Variants in OCA2 observed in about 807,000 individuals in gnomAD.
OCA2 encodes OCA2 melanosomal transmembrane protein, also known as P protein.
In OCA2, 77 loss-of-function variants were observed where a neutral mutation model predicts 100.2. The ratio of observed to expected loss-of-function variants is 0.77; its 90% CI spans 0.64 to 0.93. The LOEUF is 0.93. OCA2 is among the 40% of genes least tolerant of loss of function. OCA2 has a pLI of 0.00. For missense variants in OCA2, 1,062 were observed against 1,089.1 expected (o/e 0.98, Z 0.35); for synonymous variants, 432 against 439.2 (o/e 0.98, Z 0.21).
intron 23 of OCA2, among the ~76,000 whole-genome samples, chr15:27,800,678 G>A (rs983544831): frequency 4.6e-5 from 7 of 152,080 alleles, no homozygotes; most frequent in African/African-American, 1.7e-4. Context: ...TATTTAAGAA[G>A]TTGAGGCCAG....
intron 14 of OCA2, among the ~76,000 whole-genome samples, chr15:27,978,689 CA>C (rs1401877308): frequency 2.1e-4 from 31 of 149,228 alleles, no homozygotes; most frequent in Middle Eastern, 6.8e-3. Flanking sequence ...GAGAGAGAGA[CA>C]TTTTTTTTTT....
At position 27,925,982 on chromosome 15, in the gene OCA2, A is replaced by G. The variant is rs3751651; in HGVS notation, c.2079+145T>C. 0.24 allele frequency: 225,582 copies of G among 948,656 alleles called. 32,568 individuals carry two copies. The highest frequency in any genetic ancestry group is 0.67 in the East Asian group (25,660 of 38,398). The allele number at this position is 948,656 out of a possible 1,614,324, so 58.8% of individuals were successfully genotyped here. A position where few individuals can be genotyped will look rare whatever the true frequency, so the allele number is the denominator to read the frequency against. On this transcript the variant is annotated intron_variant, in intron 19 of 23. Transcript: ENST00000354638. The stretch of plus-strand genomic sequence containing the variant: ...GCTAAGGTAAAGCTGGTTAACTTAA[A>G]ATAGTCCAATTACAACCTTCATTGT...
At chr15:27,771,682 G>A (rs1455664117) in intron 23 of OCA2, among the ~76,000 whole-genome samples, 2 of 152,222 alleles carry the variant, frequency 1.3e-5, no homozygotes, top group African/African-American at 4.8e-5. Context: ...ATCACCCATT[G>A]TGTGAAATCT....
At chr15:27,836,462 CAT>C (rs1326595095) in intron 23 of OCA2, among the ~76,000 whole-genome samples, 3 of 152,030 alleles carry the variant, frequency 2.0e-5, no homozygotes, top group East Asian at 3.9e-4. Flanking sequence ...GCAAATATAA[CAT>C]GTGGATGAGA....
chr15:27,980,561 C>T (rs1286842958), intron 14 of OCA2, among the ~76,000 whole-genome samples: 1 of 152,002 alleles, frequency 6.6e-6, no homozygotes, highest in African/African-American at 2.4e-5. Flanking sequence ...TATGTCTTAC[C>T]ATGTGGGTCT....
chr15:28,070,447 T>G, intron 2 of OCA2, among the ~76,000 whole-genome samples: 2 of 113,232 alleles, frequency 1.8e-5, no homozygotes. Context: ...GATGGGGGGG[T>G]CAGCCCCCCC....
intron 4 of OCA2, among the ~76,000 whole-genome samples, chr15:28,025,849 C>T (rs546608190): frequency 1.3e-5 from 2 of 152,374 alleles, no homozygotes; most frequent in Non-Finnish European, 2.9e-5. Flanking sequence ...CTTTTTAATA[C>T]TCTCCTCACT....
intron 15 of OCA2, among the ~76,000 whole-genome samples, chr15:27,960,718 T>C (rs1456679395): frequency 3.3e-5 from 5 of 151,800 alleles, no homozygotes; most frequent in Non-Finnish European, 7.4e-5. Context: ...GCCTGGCCAA[T>C]ATGGTGAAAC....
chr15:28,037,398 G>A (rs934490869), intron 2 of OCA2, among the ~76,000 whole-genome samples: 6 of 152,110 alleles, frequency 3.9e-5, no homozygotes, highest in Admixed American at 3.3e-4. Context: ...CTCTGTAACA[G>A]AGCCTATGCA....
At chr15:28,013,638 G>T (rs542152011) in intron 9 of OCA2, among the ~76,000 whole-genome samples, 1 of 152,242 alleles carries the variant, frequency 6.6e-6, no homozygotes, top group South Asian at 2.1e-4. Flanking sequence ...CTGCTGGAGG[G>T]AGGGGCGTGC....
chr15:28,012,742 A>C (rs182088072), intron 9 of OCA2, among the ~76,000 whole-genome samples: 118 of 152,356 alleles, frequency 7.7e-4, no homozygotes, highest in Non-Finnish European at 1.5e-3. Flanking sequence ...TTTTACAAAA[A>C]AAGTGAACAA....
rs541247432 is a variant in OCA2, at chr15:28,082,009, C to T, written c.-21-114G>A. On this transcript the variant is annotated intron_variant, in intron 1 of 23. Coordinates refer to ENST00000354638, the MANE Select transcript of OCA2 (RefSeq NM_000275.3). ...CTTCTTCGGAGGCGGTCCCAGAGTT[C>T]CAGCATCCTAACCACGCAAGAGCAT... 1,361 of 852,898 alleles carry T rather than the reference C, an allele frequency of 1.6e-3. 1 individual carries two copies. The highest frequency in any genetic ancestry group is 2.3e-3 in the Non-Finnish European group (1,219 of 531,446). The allele number at this position is 852,898 out of a possible 1,614,324, so 52.8% of individuals were successfully genotyped here.
chr15:28,061,099 G>C (rs2043858664), intron 2 of OCA2, among the ~76,000 whole-genome samples: 1 of 152,204 alleles, frequency 6.6e-6, no homozygotes, highest in South Asian at 2.1e-4. Context: ...ACATTCCTAG[G>C]CATTCAAGCA....
rs2034236413 is a variant in OCA2, at chr15:27,814,945, T to TGGAG, written c.2432+30013_2432+30014insCTCC. Among the ~76,000 whole-genome samples the TGGAG allele has an allele frequency of 2.8e-5, 3 of 107,352 alleles. No homozygotes were observed. In the South Asian group the frequency reaches 9.8e-4, roughly 35 times the overall value. 70.4% of individuals were successfully genotyped at this position (107,352 alleles called of 152,430 possible). On this transcript the variant is annotated intron_variant, in intron 23 of 23. Coordinates refer to ENST00000354638, the MANE Select transcript of OCA2 (RefSeq NM_000275.3). The stretch of plus-strand genomic sequence containing the variant: ...ATAGATAGATAGATAGATAGATAGA[T>TGGAG]ACAGAGATATATATATATATATCTT...
At chr15:27,888,024 A>G (rs928541270) in intron 19 of OCA2, among the ~76,000 whole-genome samples, 5 of 152,126 alleles carry the variant, frequency 3.3e-5, no homozygotes, top group Non-Finnish European at 7.4e-5. Context: ...TCAATAGCAC[A>G]TGGCTCATGA....
intron 23 of OCA2, among the ~76,000 whole-genome samples, chr15:27,839,415 CTTTTA>C (rs1270447285): frequency 6.6e-6 from 1 of 152,150 alleles, no homozygotes; most frequent in Non-Finnish European, 1.5e-5. Flanking sequence ...GAAAACAATA[CTTTTA>C]TTTTGATTCA....
chr15:27,821,545 A>G (rs1001040434), intron 23 of OCA2, among the ~76,000 whole-genome samples: 2 of 152,186 alleles, frequency 1.3e-5, no homozygotes. Context: ...ATGCACACAT[A>G]CATGCACACA....
chr15:27,979,666 G>T, intron 14 of OCA2, among the ~76,000 whole-genome samples: 1 of 149,284 alleles, frequency 6.7e-6, no homozygotes, highest in African/African-American at 2.5e-5. Context: ...AATTATATTA[G>T]TTTACATATA....
At chr15:27,789,771 A>G (rs774471152) in intron 23 of OCA2, among the ~76,000 whole-genome samples, 4 of 152,260 alleles carry the variant, frequency 2.6e-5, no homozygotes, top group Non-Finnish European at 4.4e-5. Flanking sequence ...TACTATAATG[A>G]ATAGATATCT....
Sources: gnomAD v4.1 joint callset for allele counts (sites outside exome capture counted in the v4.1 genomes callset) on GRCh38, gnomAD v4.1.1 for gene constraint, MANE v1.5 for transcripts, NCBI Gene and HGNC (gene_info 2026-07-23, HGNC 2026-07-21) for gene names.